Variants in SYNPR observed in about 807,000 individuals in gnomAD.
SYNPR encodes the protein synaptoporin.
In SYNPR, 23 loss-of-function variants were observed where a neutral mutation model predicts 32.9. That is an observed-to-expected ratio of 0.70 (90% CI 0.50 to 0.99). SYNPR has a LOEUF of 0.99. SYNPR is among the 50% of genes least tolerant of loss of function. The probability of loss-of-function intolerance (pLI) is 0.00; values close to 1 mark genes in which losing one functional copy is unlikely to be tolerated. For missense variants in SYNPR, 318 were observed against 349.3 expected, an observed-to-expected ratio of 0.91 and a Z score of 0.71; for synonymous variants, 146 against 135.9, an observed-to-expected ratio of 1.07 and a Z score of -0.52.
intron 2 of SYNPR, among the ~76,000 whole-genome samples, chr3:63,433,982 G>T (rs1169382390): frequency 6.6e-6 from 1 of 152,118 alleles, no homozygotes; most frequent in African/African-American, 2.4e-5. Context: ...TAAGACTGGG[G>T]TGGGTCAGGA....
At chr3:63,426,082 G>A (rs113715068) in intron 2 of SYNPR, among the ~76,000 whole-genome samples, 3 of 152,074 alleles carry the variant, frequency 2.0e-5, no homozygotes, top group South Asian at 2.1e-4. Context: ...ACAATGCCCC[G>A]CCAGAAATAC....
chr3:63,401,042 T>C (rs1313415397), intron 2 of SYNPR, among the ~76,000 whole-genome samples: 1 of 143,924 alleles, frequency 6.9e-6, no homozygotes, highest in Non-Finnish European at 1.5e-5. Context: ...ACAAAAAAGG[T>C]TTTTTTTTTT....
chr3:63,428,579 G>C (rs1053458775), intron 2 of SYNPR, among the ~76,000 whole-genome samples: 28 of 152,202 alleles, frequency 1.8e-4, no homozygotes, highest in African/African-American at 6.8e-4. Context: ...TTGTCTATGG[G>C]AAAACAAGTG....
Position 63,480,839 on chromosome 3 carries a change from C to G in SYNPR, c.92C>G (p.Ala31Gly). Reference protein sequence around the residue: ...AFLRALELLFAIFAFATCGGY... With the variant: ...AFLRALELLFGIFAFATCGGY... ...TTTAATTGTTCTCCACAGCTTTTTGCAATCTTTGCATTTGCAACATGCGGT... is the reference window on the plus strand; with the variant it reads ...TTTAATTGTTCTCCACAGCTTTTTGGAATCTTTGCATTTGCAACATGCGGT... The change falls in exon 3 of 6, where the codon GCA (alanine) becomes GGA (glycine). Residue 31 changes from alanine (A) to glycine (G), a missense_variant. Transcript: ENST00000478300. 4 of 1,612,694 alleles carry G rather than the reference C, an allele frequency of 2.5e-6. No homozygotes were observed. The highest frequency in any genetic ancestry group is 2.5e-6 in the Non-Finnish European group (3 of 1,179,208).
intron 2 of SYNPR, among the ~76,000 whole-genome samples, chr3:63,367,416 G>C: frequency 6.6e-6 from 1 of 151,898 alleles, no homozygotes; most frequent in East Asian, 1.9e-4. Flanking sequence ...CTGGAGTGCA[G>C]TCCTGCGATC....
At chr3:63,469,046 A>T (rs527503905) in intron 2 of SYNPR, among the ~76,000 whole-genome samples, 1 of 152,260 alleles carries the variant, frequency 6.6e-6, no homozygotes, top group South Asian at 2.1e-4. Context: ...TGCTCTATGG[A>T]TACAAATACA....
chr3:63,515,509 T>G (rs1282347306), intron 3 of SYNPR, among the ~76,000 whole-genome samples: 1 of 152,124 alleles, frequency 6.6e-6, no homozygotes, highest in East Asian at 1.9e-4. Context: ...GTCAGCTCAG[T>G]ATGAATAAAG....
At position 63,487,615 on chromosome 3, in the gene SYNPR, A is replaced by G. The variant is rs192835918; in HGVS notation, c.209+6659A>G. On this transcript the variant is annotated intron_variant, in intron 3 of 5. Coordinates refer to ENST00000478300, the MANE Select transcript of SYNPR (RefSeq NM_001130003.2). ...CTTCCCCAACCCTGCCTCTGCCTAT[A>G]TAAAAACATTAAAGGGTGCACATAT... 9.6e-3 allele frequency among the ~76,000 whole-genome samples: 1,453 copies of G among 151,660 alleles called. 21 individuals carry two copies. Among genetic ancestry groups the G allele is most frequent in the African/African-American group, 0.032 (1,344 of 41,360 alleles).
intron 2 of SYNPR, among the ~76,000 whole-genome samples, chr3:63,465,506 G>C (rs372316463): frequency 1.3e-5 from 2 of 151,698 alleles, no homozygotes; most frequent in Admixed American, 6.6e-5. Context: ...CTTATAGATT[G>C]CTTAATAATC....
chr3:63,258,950 T>C (rs1299591654), intron 2 of SYNPR, among the ~76,000 whole-genome samples: 1 of 152,044 alleles, frequency 6.6e-6, no homozygotes, highest in South Asian at 2.1e-4. Flanking sequence ...AACACCTCTA[T>C]GCAAATAAAC....
intron 3 of SYNPR, among the ~76,000 whole-genome samples, chr3:63,270,505 T>A (rs182959722): frequency 1.7e-4 from 26 of 152,358 alleles, no homozygotes; most frequent in Admixed American, 1.7e-3. Flanking sequence ...CAGTTGGGAC[T>A]GACTGGTAGC....
At chr3:63,248,242 G>GT (rs1230206742) in intron 1 of SYNPR, among the ~76,000 whole-genome samples, 2 of 152,224 alleles carry the variant, frequency 1.3e-5, no homozygotes, top group Middle Eastern at 3.4e-3. Flanking sequence ...CTTTGGGCAA[G>GT]TTTTTTTAAC....
In SYNPR at chr3:63,609,348, A is replaced by G; in HGVS notation, c.600+32A>G. The G allele has an allele frequency of 4.1e-6, 6 of 1,452,542 alleles. 1 individual carries two copies. Among genetic ancestry groups the G allele is most frequent in the Middle Eastern group, 3.6e-4 (2 of 5,628 alleles). 90.0% of individuals were successfully genotyped at this position (1,452,542 alleles called of 1,614,324 possible). On this transcript the variant is annotated intron_variant, in intron 5 of 5. Transcript: ENST00000478300. ...ATTTTTCATCTATGCTTTACTGTTC[A>G]TATCTTTGTTTGCCAGTCAAAATAA...
chr3:63,500,452 G>T (rs1359956888), intron 3 of SYNPR, among the ~76,000 whole-genome samples: 1 of 152,082 alleles, frequency 6.6e-6, no homozygotes, highest in Non-Finnish European at 1.5e-5. Context: ...AATAAAATGA[G>T]TACAATATCA....
At chr3:63,332,938 C>G (rs1365464246) in intron 2 of SYNPR, among the ~76,000 whole-genome samples, 1 of 152,112 alleles carries the variant, frequency 6.6e-6, no homozygotes. Context: ...GGCCTCTGCT[C>G]ATAGATATCA....
At position 63,256,032 on chromosome 3, in the gene SYNPR, G is replaced by A. The variant is rs543839324; in HGVS notation, n.154+3446G>A. Among the ~76,000 whole-genome samples, 16 of 152,324 alleles carry A rather than the reference G, an allele frequency of 1.1e-4. 1 individual carries two copies. Among genetic ancestry groups the A allele is most frequent in the Middle Eastern group, 3.4e-3 (1 of 294 alleles). On this transcript the variant is annotated intron_variant and non_coding_transcript_variant, in intron 2 of 4. Coordinates refer to the SYNPR transcript ENST00000478456. ...CAGCAAGGCTGGGGGAGGGGCGCCC[G>A]CCATTGCCAAGGCTTGAGTAGGTAA...
chr3:63,419,490 T>C (rs1027566459), intron 2 of SYNPR, among the ~76,000 whole-genome samples: 1 of 152,242 alleles, frequency 6.6e-6, no homozygotes, highest in East Asian at 1.9e-4. Flanking sequence ...AGCCCTCATG[T>C]CCTATCAGGT....
chr3:63,314,841 A>C (rs930705067), intron 2 of SYNPR, among the ~76,000 whole-genome samples: 2 of 151,952 alleles, frequency 1.3e-5, no homozygotes, highest in Non-Finnish European at 2.9e-5. Context: ...TATCCTCTAG[A>C]ATTTCTATAG....
Position 63,278,479 on chromosome 3 carries a change from C to A in SYNPR, c.-55C>A, listed in dbSNP as rs72878302. ...TGGCCCTGAGGACGGTGGTGCCAAGCGAACTTCATTTTTAAAAAGAACTGG... is the reference window on the plus strand; with the variant it reads ...TGGCCCTGAGGACGGTGGTGCCAAGAGAACTTCATTTTTAAAAAGAACTGG... On this transcript the variant is annotated 5_prime_UTR_variant, in exon 1 of 6. Transcript: ENST00000478300. 27 of 1,531,260 alleles carry A rather than the reference C, an allele frequency of 1.8e-5. No individual in the cohort carries two copies. Among genetic ancestry groups the A allele is most frequent in the Non-Finnish European group, 2.2e-5 (25 of 1,136,344 alleles). 94.9% of individuals were successfully genotyped at this position (1,531,260 alleles called of 1,614,324 possible).
Sources: allele counts gnomAD v4.1 joint callset (sites outside exome capture counted in the v4.1 genomes callset), GRCh38; gene constraint gnomAD v4.1.1; transcripts MANE v1.5; gene names NCBI Gene and HGNC (gene_info 2026-07-23, HGNC 2026-07-21).